SLC35F1: variants seen among roughly 807,000 people sequenced by gnomAD.
The protein encoded by SLC35F1 is solute carrier family 35 member F1, also known as chromosome 6 open reading frame 169.
SLC35F1 carries 14 observed loss-of-function variants against 48.7 expected under a neutral mutation model. The observed-to-expected ratio is 0.29, with a 90% CI of 0.19 to 0.45. The LOEUF is 0.45. SLC35F1 is among the 20% of genes least tolerant of loss of function. SLC35F1 has a pLI of 1.00. For missense variants in SLC35F1, 404 were observed against 500.0 expected, an observed-to-expected ratio of 0.81 and a Z score of 1.83; for synonymous variants, 190 against 202.2, an observed-to-expected ratio of 0.94 and a Z score of 0.51.
intron 1 of SLC35F1, among the ~76,000 whole-genome samples, chr6:118,112,096 CTTTTCTTTTCTTTTCT>C (rs1773414040): frequency 5.8e-5 from 3 of 51,824 alleles, no homozygotes; most frequent in Admixed American, 6.5e-4. Flanking sequence ...CTTTTCTTTT[CTTTTCTTTTCTTTTCT>C]TTTCTTTTCT....
At chr6:117,953,394 A>C (rs950629755) in intron 1 of SLC35F1, among the ~76,000 whole-genome samples, 8 of 152,236 alleles carry the variant, frequency 5.3e-5, no homozygotes, top group African/African-American at 1.9e-4. Context: ...GTACACATAT[A>C]TATCGACATG....
chr6:117,917,829 A>G (rs369200063), intron 1 of SLC35F1, among the ~76,000 whole-genome samples: 1 of 119,746 alleles, frequency 8.4e-6, no homozygotes, highest in Admixed American at 8.8e-5. Context: ...ATGCATGTGT[A>G]GATAGAGAGA....
chr6:118,188,832 C>A (rs534455842), intron 2 of SLC35F1, among the ~76,000 whole-genome samples: 1 of 152,216 alleles, frequency 6.6e-6, no homozygotes, highest in South Asian at 2.1e-4. Flanking sequence ...GGTATATACC[C>A]AGAAAAGGCA....
At chr6:118,265,471 G>C (rs1775760557) in intron 3 of SLC35F1, among the ~76,000 whole-genome samples, 1 of 152,162 alleles carries the variant, frequency 6.6e-6, no homozygotes, top group African/African-American at 2.4e-5. Flanking sequence ...ACCTAGCCTG[G>C]GGATCTAAGA....
In SLC35F1 at chr6:118,144,098, A is replaced by G. The variant is rs112153602; in HGVS notation, c.174-10347A>G. Among the ~76,000 whole-genome samples the G allele has an allele frequency of 3.7e-3, 564 of 152,264 alleles. 4 individuals are homozygous for G. The highest frequency in any genetic ancestry group is 0.013 in the African/African-American group (543 of 41,552). On this transcript the variant is annotated intron_variant, in intron 1 of 7. Transcript: ENST00000360388. ...AATCCCATTACTGGGTATATACCCA[A>G]AGGAATATAAATCATTCTATTATAA...
At chr6:118,164,652 G>A (rs1774291784) in intron 2 of SLC35F1, among the ~76,000 whole-genome samples, 1 of 152,160 alleles carries the variant, frequency 6.6e-6, no homozygotes, top group Non-Finnish European at 1.5e-5. Flanking sequence ...AATATAATAT[G>A]CCATCATCAA....
intron 2 of SLC35F1, among the ~76,000 whole-genome samples, chr6:118,229,368 A>G (rs1775259863): frequency 6.6e-6 from 1 of 152,188 alleles, no homozygotes; most frequent in East Asian, 1.9e-4. Context: ...TCTGATCTCT[A>G]AGCTGATTCA....
intron 1 of SLC35F1, among the ~76,000 whole-genome samples, chr6:117,977,241 G>A (rs1191855634): frequency 6.7e-6 from 1 of 149,214 alleles, no homozygotes; most frequent in African/African-American, 2.5e-5. Context: ...CCCTCACCCA[G>A]GCTGGAGTGC....
intron 3 of SLC35F1, among the ~76,000 whole-genome samples, chr6:118,236,844 A>G (rs991443057): frequency 2.0e-5 from 3 of 152,208 alleles, no homozygotes; most frequent in Non-Finnish European, 4.4e-5. Context: ...CAATAGCCAG[A>G]TGCCTCATGA....
At chr6:118,271,873 C>T (rs1775856005) in intron 4 of SLC35F1, among the ~76,000 whole-genome samples, 1 of 152,144 alleles carries the variant, frequency 6.6e-6, no homozygotes, top group African/African-American at 2.4e-5. Flanking sequence ...TACTAAGTGT[C>T]AGATACAATG....
intron 2 of SLC35F1, among the ~76,000 whole-genome samples, chr6:118,183,420 G>C (rs961007504): frequency 6.6e-6 from 1 of 151,934 alleles, no homozygotes; most frequent in Admixed American, 6.6e-5. Flanking sequence ...CAGCACACCA[G>C]CATGGCACAT....
chr6:118,299,294 A>G (rs942209166), intron 7 of SLC35F1, among the ~76,000 whole-genome samples: 3 of 152,212 alleles, frequency 2.0e-5, no homozygotes, highest in African/African-American at 7.2e-5. Context: ...GATGTTTATG[A>G]AAATGTAAAC....
chr6:118,156,616 A>G (rs1279398221), intron 2 of SLC35F1, among the ~76,000 whole-genome samples: 3 of 152,082 alleles, frequency 2.0e-5, no homozygotes, highest in Non-Finnish European at 2.9e-5. Flanking sequence ...ATGTATACCT[A>G]TGTATCAAAC....
intron 2 of SLC35F1, among the ~76,000 whole-genome samples, chr6:118,162,458 C>T (rs1258960917): frequency 6.6e-6 from 1 of 152,002 alleles, no homozygotes; most frequent in Non-Finnish European, 1.5e-5. Context: ...GTAGAGGTTA[C>T]CTGACTATAT....
chr6:118,014,344 T>A (rs1456338108), intron 1 of SLC35F1, among the ~76,000 whole-genome samples: 1 of 152,178 alleles, frequency 6.6e-6, no homozygotes, highest in African/African-American at 2.4e-5. Context: ...GAGTAATTCT[T>A]CATGATAATT....
chr6:118,044,712 A>C (rs781759201), intron 1 of SLC35F1, among the ~76,000 whole-genome samples: 5 of 152,134 alleles, frequency 3.3e-5, no homozygotes, highest in Non-Finnish European at 7.3e-5. Context: ...AAAAAAAATG[A>C]CATAGTCTAT....
rs895629496 is a variant in SLC35F1, at chr6:118,173,398, A to G, written c.349+18778A>G. ...GAAAGAGTTAGTTAAAAAAAAAACA[A>G]AAAACAAAAAAAAAACAGCCAAAAC... On this transcript the variant is annotated intron_variant, in intron 2 of 7. Coordinates refer to ENST00000360388, the MANE Select transcript of SLC35F1 (RefSeq NM_001029858.4). Among the ~76,000 whole-genome samples the G allele has an allele frequency of 7.4e-5, 10 of 135,870 alleles. 1 individual carries two copies. Among genetic ancestry groups the G allele is most frequent in the African/African-American group, 2.9e-4 (9 of 30,744 alleles). The allele number at this position is 135,870 out of a possible 152,430, so 89.1% of individuals were successfully genotyped here. A position where few individuals can be genotyped will look rare whatever the true frequency, so the allele number is the denominator to read the frequency against.
intron 1 of SLC35F1, among the ~76,000 whole-genome samples, chr6:117,962,853 TG>T (rs1303773907): frequency 6.6e-6 from 1 of 152,196 alleles, no homozygotes; most frequent in African/African-American, 2.4e-5. Flanking sequence ...ACTTGCATAG[TG>T]CTAGAAGCTC....
intron 2 of SLC35F1, among the ~76,000 whole-genome samples, chr6:118,204,109 T>A (rs1774903980): frequency 6.6e-6 from 1 of 150,672 alleles, no homozygotes; most frequent in South Asian, 2.1e-4. Flanking sequence ...ACATTTGAGA[T>A]GAGACCCAAG....
Sources: allele counts gnomAD v4.1 joint callset (sites outside exome capture counted in the v4.1 genomes callset), GRCh38; gene constraint gnomAD v4.1.1; transcripts MANE v1.5; gene names NCBI Gene and HGNC (gene_info 2026-07-23, HGNC 2026-07-21).